TBC1D1: variants seen among roughly 807,000 people sequenced by gnomAD.
TBC1D1 encodes the protein TBC1 (tre-2/USP6, BUB2, cdc16) domain family, member 1.
In TBC1D1, 89 loss-of-function variants were observed where a neutral mutation model predicts 125.6. The observed-to-expected ratio is 0.71, with a 90% confidence interval of 0.60 to 0.85. The LOEUF is 0.85. Ranked by LOEUF, TBC1D1 falls within the 40% of genes least tolerant of loss-of-function variation. The pLI is 0.00. For missense variants in TBC1D1, 1,377 were observed against 1,469.2 expected (o/e 0.94, Z 1.03); for synonymous variants, 565 against 564.1 (o/e 1.00, Z -0.02).
At chr4:37,974,665 C>T (rs552874090) in intron 2 of TBC1D1, among the ~76,000 whole-genome samples, 4 of 152,150 alleles carry the variant, frequency 2.6e-5, no homozygotes, top group Non-Finnish European at 5.9e-5. Context: ...TCCAGTGATT[C>T]TCCTGTCTCA....
At chr4:37,960,807 T>G (rs1381694341) in intron 2 of TBC1D1, 7 of 1,614,020 alleles carry the variant, frequency 4.3e-6, no homozygotes, top group Middle Eastern at 1.6e-4. Flanking sequence ...TCTTCTAGAC[T>G]TTGAGAGTTT....
chr4:37,936,395 G>A (rs1223217378), intron 2 of TBC1D1, among the ~76,000 whole-genome samples: 15 of 152,158 alleles, frequency 9.9e-5, no homozygotes, highest in African/African-American at 3.4e-4. Flanking sequence ...TGGATAAGGG[G>A]GGGTTACCGC....
chr4:38,073,905 T>A (rs1755135263), intron 12 of TBC1D1, among the ~76,000 whole-genome samples: 1 of 152,338 alleles, frequency 6.6e-6, no homozygotes, highest in East Asian at 1.9e-4. Context: ...CTTGGCTGCC[T>A]TCATTTTTAA....
At chr4:38,010,894 C>G (rs1251038929) in intron 2 of TBC1D1, among the ~76,000 whole-genome samples, 1 of 152,160 alleles carries the variant, frequency 6.6e-6, no homozygotes, top group Non-Finnish European at 1.5e-5. Context: ...ATTTCTGAAT[C>G]CCTGGCTCTG....
chr4:37,947,369 C>T (rs1726921554), intron 2 of TBC1D1, among the ~76,000 whole-genome samples: 1 of 152,146 alleles, frequency 6.6e-6, no homozygotes, highest in Admixed American at 6.6e-5. Flanking sequence ...GTTGGCCAGG[C>T]TGATCTCAAA....
chr4:38,046,595 T>C (rs978491683), intron 10 of TBC1D1, among the ~76,000 whole-genome samples: 1 of 152,150 alleles, frequency 6.6e-6, no homozygotes, highest in Non-Finnish European at 1.5e-5. Flanking sequence ...ATAGTGAACA[T>C]TGTACCCAGT....
At chr4:38,093,132 A>G (rs565326136) in intron 13 of TBC1D1, among the ~76,000 whole-genome samples, 7 of 152,312 alleles carry the variant, frequency 4.6e-5, no homozygotes, top group East Asian at 3.9e-4. Flanking sequence ...TAGGCATTCT[A>G]TCTTGAGTTC....
chr4:38,097,357 T>TTTC (rs1435682356), intron 14 of TBC1D1, among the ~76,000 whole-genome samples: 1 of 144,802 alleles, frequency 6.9e-6, no homozygotes, highest in Non-Finnish European at 1.5e-5. Context: ...TTTTTTTTTT[T>TTTC]AAGACAGAGT....
chr4:38,061,017 G>A (rs1752649314), intron 12 of TBC1D1, among the ~76,000 whole-genome samples: 1 of 152,214 alleles, frequency 6.6e-6, no homozygotes, highest in Non-Finnish European at 1.5e-5. Flanking sequence ...TCTCAAATAA[G>A]TCTGAGTCAT....
At chr4:38,025,237 T>A (rs1016594238) in intron 6 of TBC1D1, among the ~76,000 whole-genome samples, 1 of 152,220 alleles carries the variant, frequency 6.6e-6, no homozygotes, top group Non-Finnish European at 1.5e-5. Flanking sequence ...GGTTGTAGTT[T>A]GGAAACTCTC....
intron 2 of TBC1D1, among the ~76,000 whole-genome samples, chr4:37,906,474 A>G (rs1560461894): frequency 6.6e-6 from 1 of 152,310 alleles, no homozygotes; most frequent in Non-Finnish European, 1.5e-5. Context: ...TGAGTTATAC[A>G]TTTGTAAGCT....
chr4:37,966,717 A>C (rs901817493), intron 2 of TBC1D1, among the ~76,000 whole-genome samples: 1 of 152,206 alleles, frequency 6.6e-6, no homozygotes, highest in South Asian at 2.1e-4. Flanking sequence ...GCACCCATCA[A>C]CTCATCATTT....
chr4:37,986,370 C>A (rs1280807095), intron 2 of TBC1D1, among the ~76,000 whole-genome samples: 2 of 152,222 alleles, frequency 1.3e-5, no homozygotes, highest in Non-Finnish European at 2.9e-5. Flanking sequence ...TTTGCACTTT[C>A]ATCTTCAAAC....
At chr4:38,092,529 G>A (rs111761668) in intron 13 of TBC1D1, among the ~76,000 whole-genome samples, 87 of 152,026 alleles carry the variant, frequency 5.7e-4, no homozygotes, top group Admixed American at 4.3e-3. Flanking sequence ...TCAGGGGTTC[G>A]AGACCAGCCT....
intron 2 of TBC1D1, among the ~76,000 whole-genome samples, chr4:38,001,184 G>C (rs192462301): frequency 6.6e-6 from 1 of 151,768 alleles, no homozygotes; most frequent in African/African-American, 2.4e-5. Flanking sequence ...TGCGCCACTG[G>C]ACTCCAGCCT....
intron 2 of TBC1D1, among the ~76,000 whole-genome samples, chr4:37,926,005 A>G (rs1722031521): frequency 2.0e-5 from 3 of 152,348 alleles, no homozygotes; most frequent in South Asian, 2.1e-4. Flanking sequence ...AAGGACATTT[A>G]TCCTACAGAA....
intron 2 of TBC1D1, among the ~76,000 whole-genome samples, chr4:37,954,251 A>G (rs1222496232): frequency 3.3e-5 from 5 of 152,170 alleles, no homozygotes; most frequent in Admixed American, 3.3e-4. Context: ...CTAATATCTC[A>G]TTGGCCAGAC....
rs1742218460 is a variant in TBC1D1, at chr4:38,014,526, C to T, written c.435C>T (p.Ser145=). ...CTCCTCAGGTGCCTGAGATCATCAG[C>T]TCCATCCGTCAGGCGGGGAAGATCG... Residue 145 remains serine (S), a synonymous_variant, in exon 3 of 20, where the codon AGC becomes AGT. Transcript: ENST00000261439. The surrounding 1 kb of genome is among the most constrained non-coding windows in gnomAD (Gnocchi z 5.1). The T allele has an allele frequency of 1.2e-6, 2 of 1,613,024 alleles. No homozygotes were observed. Among genetic ancestry groups the T allele is most frequent in the Non-Finnish European group, 1.7e-6 (2 of 1,179,802 alleles).
intron 12 of TBC1D1, among the ~76,000 whole-genome samples, chr4:38,074,198 CCT>C (rs2152515075): frequency 6.6e-6 from 1 of 152,272 alleles, no homozygotes; most frequent in South Asian, 2.1e-4. Context: ...ACAGCAAAAA[CCT>C]CTAACCAACC....
Sources: allele counts gnomAD v4.1 joint callset (sites outside exome capture counted in the v4.1 genomes callset), GRCh38; gene constraint gnomAD v4.1.1; non-coding constraint Gnocchi (gnomAD v3.1); transcripts MANE v1.5; gene names NCBI Gene and HGNC (gene_info 2026-07-23, HGNC 2026-07-21).